Variants in NRXN3 observed in about 807,000 individuals in gnomAD.
The protein encoded by NRXN3 is neurexin 3.
NRXN3 carries 32 observed loss-of-function variants against 137.6 expected under a neutral mutation model. That is an observed-to-expected ratio of 0.23 (90% confidence interval 0.18 to 0.31). The LOEUF is 0.31. Ranked by LOEUF, NRXN3 falls within the 10% of genes least tolerant of loss-of-function variation. The pLI, the probability that NRXN3 is intolerant of heterozygous loss-of-function variation, is 1.00. For synonymous variants in NRXN3, 798 were observed against 784.5 expected, an observed-to-expected ratio of 1.02 and a Z score of -0.29; for missense variants, 1,574 against 2,062.5, an observed-to-expected ratio of 0.76 and a Z score of 4.59.
chr14:79,613,647 C>A (rs923956134), intron 16 of NRXN3, among the ~76,000 whole-genome samples: 2 of 152,178 alleles, frequency 1.3e-5, no homozygotes, highest in African/African-American at 4.8e-5. Flanking sequence ...CTACCAAATC[C>A]TAAAAGATTT....
chr14:78,173,725 G>C (rs867649333), intron 1 of NRXN3, among the ~76,000 whole-genome samples: 1 of 9,948 alleles, frequency 1.0e-4, no homozygotes, highest in Admixed American at 7.9e-4. Context: ...TTTTTTTTTT[G>C]CAACACAACA....
chr14:78,320,842 G>A (rs1015430584), intron 4 of NRXN3, among the ~76,000 whole-genome samples: 15 of 151,698 alleles, frequency 9.9e-5, no homozygotes, highest in African/African-American at 3.6e-4. Context: ...CCCTGGCTGG[G>A]TGCGGTGGCT....
chr14:79,128,933 C>T (rs2057007585), intron 15 of NRXN3, among the ~76,000 whole-genome samples: 1 of 151,994 alleles, frequency 6.6e-6, no homozygotes, highest in African/African-American at 2.4e-5. Flanking sequence ...GGAATTTATC[C>T]ATTTCTTCTA....
chr14:79,470,302 A>G (rs1372090092), intron 16 of NRXN3, among the ~76,000 whole-genome samples: 1 of 152,196 alleles, frequency 6.6e-6, no homozygotes, highest in Non-Finnish European at 1.5e-5. Context: ...TATAAGGAAC[A>G]TAAATTAATT....
intron 15 of NRXN3, among the ~76,000 whole-genome samples, chr14:79,147,593 G>A (rs980503566): frequency 6.6e-6 from 1 of 152,028 alleles, no homozygotes; most frequent in African/African-American, 2.4e-5. Flanking sequence ...CTTAGTTAAC[G>A]AATACCTTTC....
At position 79,746,845 on chromosome 14, in the gene NRXN3, T is replaced by C. The variant is rs543356872; in HGVS notation, c.4014+48908T>C. Among the ~76,000 whole-genome samples, 172 of 152,082 alleles carry C rather than the reference T, an allele frequency of 1.1e-3. 1 individual carries two copies. Among genetic ancestry groups the C allele is most frequent in the African/African-American group, 3.5e-3 (145 of 41,394 alleles). ...CCCTAAAACTATTTAGACAGTTACTTCTTAAAGAACCCCTAAAACTATTTA... is the reference window on the plus strand; with the variant it reads ...CCCTAAAACTATTTAGACAGTTACTCCTTAAAGAACCCCTAAAACTATTTA... On this transcript the variant is annotated intron_variant, in intron 19 of 20. Coordinates refer to ENST00000335750, the MANE Select transcript of NRXN3 (RefSeq NM_001330195.2).
At chr14:78,838,595 A>G (rs1213274640) in intron 10 of NRXN3, among the ~76,000 whole-genome samples, 2 of 152,150 alleles carry the variant, frequency 1.3e-5, no homozygotes, top group Non-Finnish European at 2.9e-5. Context: ...ACATGAAGAG[A>G]ATTCTTAGGA....
chr14:79,322,608 G>GA (rs1465581736), intron 15 of NRXN3, among the ~76,000 whole-genome samples: 2 of 152,168 alleles, frequency 1.3e-5, no homozygotes, highest in East Asian at 3.9e-4. Context: ...TACTGTGACT[G>GA]AAAAAAATAT....
intron 19 of NRXN3, among the ~76,000 whole-genome samples, chr14:79,764,168 G>T (rs1372188205): frequency 6.7e-6 from 1 of 149,920 alleles, no homozygotes; most frequent in Non-Finnish European, 1.5e-5. Context: ...TGGTGGGTGG[G>T]GGGGGTGTTA....
chr14:79,818,728 A>C (rs1159787349), intron 20 of NRXN3, among the ~76,000 whole-genome samples: 1 of 152,162 alleles, frequency 6.6e-6, no homozygotes, highest in African/African-American at 2.4e-5. Context: ...ACACACACAC[A>C]CTTTTTGTGG....
intron 15 of NRXN3, among the ~76,000 whole-genome samples, chr14:79,255,922 A>G (rs2153386372): frequency 6.6e-6 from 1 of 152,360 alleles, no homozygotes; most frequent in Middle Eastern, 3.4e-3. Flanking sequence ...TTGGGAATAT[A>G]CAATAATGGA....
chr14:79,710,753 GAAC>G (rs758868382), intron 19 of NRXN3, among the ~76,000 whole-genome samples: 12 of 152,122 alleles, frequency 7.9e-5, no homozygotes, highest in African/African-American at 2.4e-5. Context: ...CTGGGCACTT[GAAC>G]AACATCAGTA....
intron 1 of NRXN3, among the ~76,000 whole-genome samples, chr14:78,235,694 T>G (rs2066195384): frequency 6.6e-6 from 1 of 152,182 alleles, no homozygotes; most frequent in African/African-American, 2.4e-5. Context: ...AAACTTCAAA[T>G]GCTCTTTTCT....
intron 15 of NRXN3, among the ~76,000 whole-genome samples, chr14:79,176,091 C>T (rs1271460306): frequency 4.6e-5 from 7 of 152,184 alleles, no homozygotes; most frequent in Admixed American, 4.6e-4. Flanking sequence ...ATGTCTGATT[C>T]TGGGCTTTGT....
At chr14:78,992,011 G>A (rs150600392) in intron 15 of NRXN3, among the ~76,000 whole-genome samples, 161 of 152,270 alleles carry the variant, frequency 1.1e-3, no homozygotes, top group Non-Finnish European at 2.0e-3. Context: ...ATTCTTTAGA[G>A]CTGATTGTCT....
intron 10 of NRXN3, among the ~76,000 whole-genome samples, chr14:78,891,750 C>A (rs193198724): frequency 6.6e-6 from 1 of 151,942 alleles, no homozygotes; most frequent in African/African-American, 2.4e-5. Context: ...GATTAAGAAA[C>A]CTGCTTAAAC....
chr14:78,687,553 C>G (rs1411508964), intron 6 of NRXN3, among the ~76,000 whole-genome samples: 1 of 152,168 alleles, frequency 6.6e-6, no homozygotes, highest in Non-Finnish European at 1.5e-5. Context: ...GTTGTGGCAA[C>G]AAACTGTTCC....
intron 15 of NRXN3, among the ~76,000 whole-genome samples, chr14:79,164,270 A>G (rs1169108744): frequency 6.6e-6 from 1 of 151,992 alleles, no homozygotes; most frequent in African/African-American, 2.4e-5. Flanking sequence ...ATCAAGCACA[A>G]AGATGCTGTA....
At chr14:79,677,014 G>A (rs1387440105) in intron 17 of NRXN3, among the ~76,000 whole-genome samples, 2 of 151,992 alleles carry the variant, frequency 1.3e-5, no homozygotes, top group South Asian at 2.1e-4. Context: ...TTCAATGACT[G>A]CATATACACA....
Sources: gnomAD v4.1 joint callset for allele counts (sites outside exome capture counted in the v4.1 genomes callset) on GRCh38, gnomAD v4.1.1 for gene constraint, MANE v1.5 for transcripts, NCBI Gene and HGNC (gene_info 2026-07-23, HGNC 2026-07-21) for gene names.